Variants in ANKRD55 observed in about 807,000 individuals in gnomAD.
ANKRD55 encodes the protein ankyrin repeat domain-containing protein 55.
ANKRD55 carries 41 observed loss-of-function variants against 60.6 expected under a neutral mutation model. The ratio of observed to expected loss-of-function variants is 0.68; its 90% CI spans 0.53 to 0.88. The LOEUF is 0.88. Ranked by LOEUF, ANKRD55 falls within the 40% of genes least tolerant of loss-of-function variation. The pLI is 0.00. For synonymous variants in ANKRD55, 264 were observed against 290.3 expected (o/e 0.91, Z 0.92); for missense variants, 732 against 767.6 (o/e 0.95, Z 0.55).
At chr5:56,166,107 T>TTTCTTTCTTTCTTTCTTTCTTTC (rs1758452228) in intron 5 of ANKRD55, among the ~76,000 whole-genome samples, 11 of 61,370 alleles carry the variant, frequency 1.8e-4, no homozygotes, top group African/African-American at 6.8e-4. Flanking sequence ...TCTTTCTTTC[T>TTTCTTTCTTTCTTTCTTTCTTTC]TTCTTTCTTT....
At chr5:56,135,294 G>GTTCGTTCGTTCGTT (rs1757546768) in intron 7 of ANKRD55, among the ~76,000 whole-genome samples, 1 of 84,386 alleles carries the variant, frequency 1.2e-5, no homozygotes, top group African/African-American at 4.7e-5. Context: ...CTGCCTGCTT[G>GTTCGTTCGTTCGTT]CTTTCTTTCT....
chr5:56,122,179 T>A lies in ANKRD55; in HGVS notation c.797+4743A>T, dbSNP rs568476767. The stretch of plus-strand genomic sequence containing the variant: ...TAGATTTATAGCTGCTCTGTGCCTA[T>A]GCATTATTATTTTTGGAAGCTGTGG... On this transcript the variant is annotated intron_variant, in intron 8 of 11. Coordinates refer to ENST00000341048, the MANE Select transcript of ANKRD55 (RefSeq NM_024669.3). Among the ~76,000 whole-genome samples, 64 of 152,334 alleles carry A rather than the reference T, an allele frequency of 4.2e-4. 1 individual carries two copies. The South Asian group carries it at 5.0e-3, about 12-fold the overall frequency.
intron 2 of ANKRD55, among the ~76,000 whole-genome samples, chr5:56,214,503 T>C (rs1298499291): frequency 6.6e-6 from 1 of 152,194 alleles, no homozygotes; most frequent in Non-Finnish European, 1.5e-5. Flanking sequence ...TCAAACAATC[T>C]TTTGTAGTAT....
chr5:56,135,290 G>GCCTGCCTGCCTGCTTTCTTTCTTTCTTT (rs1554038504), intron 7 of ANKRD55, among the ~76,000 whole-genome samples: 1 of 69,330 alleles, frequency 1.4e-5, no homozygotes, highest in Admixed American at 1.7e-4. Flanking sequence ...CTGCCTGCCT[G>GCCTGCCTGCCTGCTTTCTTTCTTTCTTT]CTTGCTTTCT....
chr5:56,163,567 T>C (rs1183316263), intron 5 of ANKRD55, among the ~76,000 whole-genome samples: 1 of 152,154 alleles, frequency 6.6e-6, no homozygotes, highest in East Asian at 1.9e-4. Flanking sequence ...GCAAGAGCAG[T>C]CCCAGACAGG....
In ANKRD55 at chr5:56,174,830, C is replaced by CAA. The variant is rs59849503; in HGVS notation, c.312+1320_312+1321dup. 3.7e-3 allele frequency among the ~76,000 whole-genome samples: 245 copies of CAA among 65,568 alleles called. 2 individuals carry two copies. The highest frequency in any genetic ancestry group is 7.8e-3 in the Middle Eastern group (1 of 128). 43.0% of individuals were successfully genotyped at this position (65,568 alleles called of 152,430 possible). On this transcript the variant is annotated intron_variant, in intron 4 of 11. Transcript: ENST00000341048. ...CTGGTGACAGAGTGAGACTCTGTCT[C>CAA]AAAAAAAAAAAAAAAAAAAAAAATT...
intron 7 of ANKRD55, among the ~76,000 whole-genome samples, chr5:56,134,750 A>G (rs56159562): frequency 0.25 from 37,455 of 152,026 alleles, 6,374 homozygotes; most frequent in African/African-American, 0.48. Context: ...TTCCTAACTC[A>G]TTCTATCAGT....
intron 5 of ANKRD55, among the ~76,000 whole-genome samples, chr5:56,167,557 T>C (rs965580447): frequency 6.6e-6 from 1 of 152,262 alleles, no homozygotes; most frequent in Admixed American, 6.5e-5. Context: ...GAATAGTCAA[T>C]CTTAACTTTT....
At chr5:56,208,398 G>GT (rs921661490) in intron 2 of ANKRD55, among the ~76,000 whole-genome samples, 82 of 148,578 alleles carry the variant, frequency 5.5e-4, no homozygotes, top group African/African-American at 1.6e-3. Flanking sequence ...AATTGTATGT[G>GT]TTTTTTTAAA....
At chr5:56,166,126 C>CTT (rs147963083) in intron 5 of ANKRD55, among the ~76,000 whole-genome samples, 2 of 95,304 alleles carry the variant, frequency 2.1e-5, no homozygotes, top group Non-Finnish European at 2.0e-5. Context: ...TTCTTTCTTT[C>CTT]TTTCTTTCTT....
In ANKRD55 at chr5:56,143,882, G is replaced by A. The variant is rs776109275; in HGVS notation, c.531C>T (p.His177=). The part of the protein sequence containing the change: ...HWAAFHNQPQ[H]TQMLLKKGAD... ...CCCCCTTCTTCAGCAGCATTTGTGT[G>A]TGTTGAGGCTGGTTGTGGAAAGCCG... Residue 177 remains histidine (H), a synonymous_variant, in exon 7 of 12, where the codon CAC becomes CAT. Coordinates refer to ENST00000341048, the MANE Select transcript of ANKRD55 (RefSeq NM_024669.3). The A allele has an allele frequency of 6.2e-7, 1 of 1,614,150 alleles. No homozygotes were observed. The highest frequency in any genetic ancestry group is 2.2e-5 in the East Asian group (1 of 44,878).
At chr5:56,110,160 A>G (rs1756635619) in intron 10 of ANKRD55, among the ~76,000 whole-genome samples, 1 of 151,576 alleles carries the variant, frequency 6.6e-6, no homozygotes, top group African/African-American at 2.4e-5. Flanking sequence ...ACTTTGAGAG[A>G]CCGAGAAGGG....
intron 2 of ANKRD55, among the ~76,000 whole-genome samples, chr5:56,201,308 C>T (rs951164062): frequency 6.6e-6 from 1 of 152,168 alleles, no homozygotes; most frequent in Non-Finnish European, 1.5e-5. Flanking sequence ...AACATTGCCA[C>T]CCACTGGTAA....
intron 11 of ANKRD55, 150 bp from the exon 12 acceptor site, chr5:56,100,454 A>G: frequency 1.2e-6 from 1 of 854,400 alleles, no homozygotes; most frequent in East Asian, 2.6e-5. Flanking sequence ...CTGTGTATGT[A>G]TATCTTGTAT....
At chr5:56,137,561 G>A (rs1487051183) in intron 7 of ANKRD55, 15 of 647,266 alleles carry the variant, frequency 2.3e-5, no homozygotes, top group Admixed American at 7.3e-5. Context: ...GCAATTAAAA[G>A]TAAAAGAAAA....
At chr5:56,220,866 G>C (rs909830884) in intron 2 of ANKRD55, among the ~76,000 whole-genome samples, 8 of 152,040 alleles carry the variant, frequency 5.3e-5, no homozygotes, top group African/African-American at 1.9e-4. Context: ...TGCTTGCCTA[G>C]ACTTGTTCAG....
intron 2 of ANKRD55, among the ~76,000 whole-genome samples, chr5:56,185,052 C>T (rs940586308): frequency 7.2e-5 from 11 of 151,942 alleles, no homozygotes; most frequent in African/African-American, 2.2e-4. Context: ...GAAACCCAGT[C>T]TCTACTAAAA....
At chr5:56,199,808 A>G (rs36754) in intron 2 of ANKRD55, among the ~76,000 whole-genome samples, 25,302 of 150,806 alleles carry the variant, frequency 0.17, 2,604 homozygotes, top group South Asian at 0.38. Flanking sequence ...GGAGAATGGC[A>G]TGAACCCGGG....
chr5:56,121,844 G>A (rs1428090290), intron 8 of ANKRD55, among the ~76,000 whole-genome samples: 1 of 152,054 alleles, frequency 6.6e-6, no homozygotes, highest in Admixed American at 6.5e-5. Flanking sequence ...ATAATTCTGG[G>A]TAGAATTAGA....
Sources: allele counts gnomAD v4.1 joint callset (sites outside exome capture counted in the v4.1 genomes callset), GRCh38; gene constraint gnomAD v4.1.1; transcripts MANE v1.5; gene names NCBI Gene and HGNC (gene_info 2026-07-23, HGNC 2026-07-21).